The following ANO2 variants were observed in gnomAD, a reference collection of about 807,000 sequenced individuals.
ANO2 encodes the protein anoctamin-2.
In ANO2, 101 loss-of-function variants were observed where a neutral mutation model predicts 124.2. The observed-to-expected ratio is 0.81, with a 90% CI of 0.69 to 0.96. ANO2 has a LOEUF of 0.96. Ranked by LOEUF, ANO2 falls within the 40% of genes least tolerant of loss-of-function variation. The probability of loss-of-function intolerance (pLI) is 0.00; values close to 1 mark genes in which losing one functional copy is unlikely to be tolerated. For synonymous variants in ANO2, 486 were observed against 482.5 expected, an observed-to-expected ratio of 1.01 and a Z score of -0.09; for missense variants, 1,293 against 1,274.5, an observed-to-expected ratio of 1.01 and a Z score of -0.22.
At chr12:5,923,163 T>TAC (rs60529043) in intron 1 of ANO2, among the ~76,000 whole-genome samples, 1,585 of 16,108 alleles carry the variant, frequency 0.098, 305 homozygotes, top group African/African-American at 0.19. Flanking sequence ...CACACACGCA[T>TAC]ACACACACAC....
chr12:5,680,960 G>A (rs1948462648), intron 14 of ANO2, among the ~76,000 whole-genome samples: 1 of 152,194 alleles, frequency 6.6e-6, no homozygotes. Context: ...ACAGGGAAGA[G>A]CAGAAGAGTT....
intron 15 of ANO2, among the ~76,000 whole-genome samples, chr12:5,639,296 C>A (rs561436906): frequency 6.6e-6 from 1 of 152,276 alleles, no homozygotes; most frequent in East Asian, 1.9e-4. Context: ...ACATAGTACG[C>A]TGCCTATGAC....
Position 5,710,989 on chromosome 12 carries a change from T to C in ANO2, c.1545+21531A>G, listed in dbSNP as rs532302048. 3.2e-4 allele frequency among the ~76,000 whole-genome samples: 49 copies of C among 151,936 alleles called. 1 individual carries two copies. In the South Asian group the frequency reaches 9.0e-3, roughly 28 times the overall value. ...CTGGCTAACACGGTGAAACCCCGTC[T>C]CTACTAAAAATACAAAAAATTAGCC... On this transcript the variant is annotated intron_variant, in intron 14 of 24. Transcript: ENST00000682330.
At chr12:5,906,399 C>T (rs1370996679) in intron 3 of ANO2, among the ~76,000 whole-genome samples, 2 of 151,226 alleles carry the variant, frequency 1.3e-5, no homozygotes, top group African/African-American at 4.9e-5. Flanking sequence ...TGGTGACTCA[C>T]ACCTGTAATC....
chr12:5,810,933 C>T (rs927606645), intron 7 of ANO2, among the ~76,000 whole-genome samples: 5 of 152,206 alleles, frequency 3.3e-5, no homozygotes, highest in African/African-American at 9.7e-5. Flanking sequence ...AGCATTGGTA[C>T]CTGAAAACAC....
At chr12:5,800,324 G>C (rs143567188) in intron 9 of ANO2, among the ~76,000 whole-genome samples, 12 of 152,220 alleles carry the variant, frequency 7.9e-5, no homozygotes, top group African/African-American at 1.9e-4. Flanking sequence ...GGGATTTGCA[G>C]GTCATGCTAA....
At chr12:5,910,670 C>T (rs989463228) in intron 3 of ANO2, among the ~76,000 whole-genome samples, 1 of 152,156 alleles carries the variant, frequency 6.6e-6, no homozygotes, top group Non-Finnish European at 1.5e-5. Flanking sequence ...ATTCAAGAAC[C>T]CTTGATGCTG....
chr12:5,828,104 G>A (rs1410121103), intron 6 of ANO2, among the ~76,000 whole-genome samples: 3 of 152,224 alleles, frequency 2.0e-5, no homozygotes, highest in Non-Finnish European at 4.4e-5. Context: ...GGCAGTCACA[G>A]GAAGTAAGGA....
At chr12:5,741,796 C>T (rs923238627) in intron 12 of ANO2, among the ~76,000 whole-genome samples, 8 of 152,250 alleles carry the variant, frequency 5.3e-5, no homozygotes, top group South Asian at 2.1e-4. Context: ...ATGAGGACAA[C>T]GATGCTCAAA....
At chr12:5,758,767 T>C (rs758113054) in intron 10 of ANO2, among the ~76,000 whole-genome samples, 2 of 152,348 alleles carry the variant, frequency 1.3e-5, no homozygotes, top group East Asian at 1.9e-4. Context: ...GGAAGAGGCA[T>C]GTAGGCATAA....
At chr12:5,685,592 C>T (rs890348209) in intron 14 of ANO2, among the ~76,000 whole-genome samples, 2 of 152,104 alleles carry the variant, frequency 1.3e-5, no homozygotes, top group Non-Finnish European at 1.5e-5. Flanking sequence ...AAGACCAGCC[C>T]GGGCAACATG....
chr12:5,671,161 C>T (rs1253695058), intron 14 of ANO2, among the ~76,000 whole-genome samples: 1 of 152,018 alleles, frequency 6.6e-6, no homozygotes, highest in African/African-American at 2.4e-5. Flanking sequence ...CCCCACCTTC[C>T]TTTCCAGTGC....
At chr12:5,748,990 A>T (rs1951358827) in intron 11 of ANO2, among the ~76,000 whole-genome samples, 1 of 152,220 alleles carries the variant, frequency 6.6e-6, no homozygotes. Context: ...GATATTGACA[A>T]TATAATCTTC....
intron 19 of ANO2, among the ~76,000 whole-genome samples, chr12:5,610,837 C>CACACACAT (rs1944499917): frequency 7.0e-6 from 1 of 143,638 alleles, no homozygotes. Flanking sequence ...CACACACACA[C>CACACACAT]ACACACACAC....
At chr12:5,782,769 T>G (rs1293991953) in intron 10 of ANO2, among the ~76,000 whole-genome samples, 2 of 152,226 alleles carry the variant, frequency 1.3e-5, no homozygotes, top group African/African-American at 4.8e-5. Context: ...TGTAAGCCAC[T>G]GGATTGGCTA....
At chr12:5,698,940 T>C (rs1040403404) in intron 14 of ANO2, among the ~76,000 whole-genome samples, 9 of 152,308 alleles carry the variant, frequency 5.9e-5, no homozygotes, top group Admixed American at 5.9e-4. Flanking sequence ...TATGGGACTA[T>C]GTGAAAAGAC....
At chr12:5,630,889 G>C (rs1945685839) in intron 16 of ANO2, among the ~76,000 whole-genome samples, 1 of 152,190 alleles carries the variant, frequency 6.6e-6, no homozygotes. Flanking sequence ...GCCGATTCTA[G>C]CCAGTGATCT....
chr12:5,663,062 G>A (rs535397333), intron 14 of ANO2, among the ~76,000 whole-genome samples: 5 of 152,296 alleles, frequency 3.3e-5, no homozygotes, highest in African/African-American at 1.2e-4. Flanking sequence ...GAAATGACCC[G>A]TTAAGAAGGA....
At chr12:5,582,909 C>G (rs1942832216) in intron 20 of ANO2, among the ~76,000 whole-genome samples, 1 of 152,192 alleles carries the variant, frequency 6.6e-6, no homozygotes, top group Non-Finnish European at 1.5e-5. Context: ...CCATTTCCCA[C>G]CAGCACTGCA....
Sources: gnomAD v4.1 joint callset for allele counts (sites outside exome capture counted in the v4.1 genomes callset) on GRCh38, gnomAD v4.1.1 for gene constraint, MANE v1.5 for transcripts, NCBI Gene and HGNC (gene_info 2026-07-23, HGNC 2026-07-21) for gene names.